The following SKA1 variants were observed in gnomAD, a reference collection of about 807,000 sequenced individuals.
The protein encoded by SKA1 is SKA complex subunit 1.
SKA1 carries 20 observed loss-of-function variants against 31.8 expected under a neutral mutation model. The observed-to-expected ratio is 0.63, with a 90% CI of 0.44 to 0.91. The LOEUF is 0.91. Ranked by LOEUF, SKA1 falls within the 40% of genes least tolerant of loss-of-function variation. The pLI is 0.00. For synonymous variants in SKA1, 88 were observed against 100.5 expected, an observed-to-expected ratio of 0.88 and a Z score of 0.74; for missense variants, 253 against 298.2, an observed-to-expected ratio of 0.85 and a Z score of 1.12.
At chr18:50,391,444 T>C (rs900585812) in intron 6 of SKA1, 151 bp downstream of exon 6, 1 of 847,358 alleles carries the variant, frequency 1.2e-6, no homozygotes, top group African/African-American at 1.8e-5. Flanking sequence ...TTACCATGTC[T>C]GGAGACATTT....
Position 50,392,340 on chromosome 18 carries a change from C to CT in SKA1, c.*99dup. On this transcript the variant is annotated 3_prime_UTR_variant, in exon 7 of 7. Coordinates refer to ENST00000285116, the MANE Select transcript of SKA1 (RefSeq NM_145060.4). ...ATATATAATTTTTTTAACTTTTAAT[C>CT]TTTTTTGTTTCCTTTTTTTTTTTTT... 1 of 802,404 alleles carries CT rather than the reference C, an allele frequency of 1.2e-6. No homozygotes were observed. Among genetic ancestry groups the CT allele is most frequent in the Non-Finnish European group, 1.7e-6 (1 of 595,514 alleles). The allele number at this position is 802,404 out of a possible 1,614,324, so 49.7% of individuals were successfully genotyped here.
At position 50,393,439 on chromosome 18, in the gene SKA1, A is replaced by C. The variant is rs977624555; in HGVS notation, c.*1192A>C. 1.3e-5 allele frequency: 2 copies of C among 152,214 alleles called. No homozygotes were observed. The highest frequency in any genetic ancestry group is 1.5e-5 in the Non-Finnish European group (1 of 68,042). 9.4% of individuals were successfully genotyped at this position (152,214 alleles called of 1,614,324 possible). ...GTCTAAATTCCATCGATGGCATTTC[A>C]GTCTATAGGTAAACTTCCTGGAAGC... is the stretch of plus-strand genomic sequence containing the variant. On this transcript the variant is annotated 3_prime_UTR_variant, in exon 7 of 7. Coordinates refer to ENST00000285116, the MANE Select transcript of SKA1 (RefSeq NM_145060.4).
intron 3 of SKA1, 134 bp from the exon 4 acceptor site, chr18:50,381,995 G>A: frequency 1.7e-6 from 1 of 593,914 alleles, no homozygotes; most frequent in Non-Finnish European, 2.9e-6. Flanking sequence ...AAGGTGCTGG[G>A]ATTACAGGCA....
intron 4 of SKA1, among the ~76,000 whole-genome samples, chr18:50,383,479 C>T (rs2041278654): frequency 6.6e-6 from 1 of 152,150 alleles, no homozygotes; most frequent in Admixed American, 6.6e-5. Flanking sequence ...CATCTAGTTC[C>T]AGCGATTTAA....
chr18:50,381,666 T>C (rs2041263317), intron 3 of SKA1, among the ~76,000 whole-genome samples: 1 of 151,930 alleles, frequency 6.6e-6, no homozygotes, highest in South Asian at 2.1e-4. Flanking sequence ...AATTTTTTAT[T>C]GCTGGATTCA....
intron 4 of SKA1, among the ~76,000 whole-genome samples, chr18:50,384,720 GGGGGAGGGAT>G (rs2041289721): frequency 9.2e-6 from 1 of 108,446 alleles, no homozygotes; most frequent in African/African-American, 4.3e-5. Flanking sequence ...GTCGGGGGAG[GGGGGAGGGAT>G]AGCATTGGGA....
At chr18:50,385,557 T>A (rs1292788373) in intron 5 of SKA1, among the ~76,000 whole-genome samples, 1 of 152,228 alleles carries the variant, frequency 6.6e-6, no homozygotes, top group African/African-American at 2.4e-5. Context: ...TAGAGATGGA[T>A]CAATTCATTG....
At chr18:50,381,884 C>T (rs753990043) in intron 3 of SKA1, among the ~76,000 whole-genome samples, 25 of 152,216 alleles carry the variant, frequency 1.6e-4, no homozygotes, top group Non-Finnish European at 2.9e-4. Context: ...TGCCACCACG[C>T]CCGGCTAAAT....
At chr18:50,384,334 C>T (rs117283913) in intron 4 of SKA1, among the ~76,000 whole-genome samples, 2 of 152,180 alleles carry the variant, frequency 1.3e-5, no homozygotes, top group East Asian at 1.9e-4. Flanking sequence ...TATCTGGTGT[C>T]GTCTTTCCTA....
chr18:50,391,408 G>T, intron 6 of SKA1, 115 bp downstream of exon 6: 2 of 1,051,796 alleles, frequency 1.9e-6, no homozygotes, highest in Non-Finnish European at 2.6e-6. Context: ...TCCCAACCAG[G>T]AGCAGTTATC....
intron 6 of SKA1, 115 bp downstream of exon 6, chr18:50,391,408 G>C (rs2149323984): frequency 9.5e-7 from 1 of 1,051,796 alleles, no homozygotes; most frequent in Middle Eastern, 2.5e-4. Context: ...TCCCAACCAG[G>C]AGCAGTTATC....
intron 2 of SKA1, among the ~76,000 whole-genome samples, chr18:50,379,505 A>T (rs1233879954): frequency 1.3e-5 from 2 of 152,234 alleles, no homozygotes; most frequent in Non-Finnish European, 2.9e-5. Context: ...TGTCTAAAAC[A>T]TAAGCTTATT....
chr18:50,376,122 A>G (rs2041213465), intron 2 of SKA1, among the ~76,000 whole-genome samples: 1 of 152,228 alleles, frequency 6.6e-6, no homozygotes, highest in Admixed American at 6.5e-5. Context: ...TGAACTGAAT[A>G]TTCATTAGAA....
intron 2 of SKA1, among the ~76,000 whole-genome samples, chr18:50,377,828 C>G (rs556818135): frequency 6.6e-6 from 1 of 152,294 alleles, no homozygotes; most frequent in Admixed American, 6.5e-5. Flanking sequence ...TTGATATTCT[C>G]AGTCCTGTAT....
intron 6 of SKA1, 50 bp from the exon 7 acceptor site, chr18:50,392,049 C>A (rs1555718359): frequency 7.0e-7 from 1 of 1,438,338 alleles, no homozygotes; most frequent in Non-Finnish European, 9.3e-7. Context: ...ATTAAAGACT[C>A]TTTTGCAAGT....
chr18:50,387,172 G>C (rs1171138759), intron 5 of SKA1, among the ~76,000 whole-genome samples: 1 of 152,136 alleles, frequency 6.6e-6, no homozygotes, highest in Non-Finnish European at 1.5e-5. Flanking sequence ...TTATCATTTG[G>C]TATTGTCAGT....
At chr18:50,375,988 T>C (rs2041212337) in intron 2 of SKA1, 70 bp downstream of exon 2, 2 of 976,976 alleles carry the variant, frequency 2.0e-6, no homozygotes, top group Non-Finnish European at 3.1e-6. Flanking sequence ...CTGAATGATA[T>C]CTTTGCTTGG....
intron 2 of SKA1, 104 bp from the exon 3 acceptor site, chr18:50,380,022 C>T: frequency 2.1e-6 from 2 of 957,710 alleles, no homozygotes; most frequent in Non-Finnish European, 1.5e-6. Flanking sequence ...CCTTTTTCCA[C>T]CCCTCTCTAA....
rs894390556 is a variant in SKA1 at position 50,380,033 on chromosome 18, G to A, written c.89-93G>A. The A allele has an allele frequency of 2.3e-5, 25 of 1,091,426 alleles. No individual in the cohort carries two copies. In the African/African-American group the frequency reaches 2.7e-4, roughly 12 times the overall value. 67.6% of individuals were successfully genotyped at this position (1,091,426 alleles called of 1,614,324 possible). A position where few individuals can be genotyped will look rare whatever the true frequency, so the allele number is the denominator to read the frequency against. ...TAGACCTTTTTCCACCCCTCTCTAA[G>A]GTACAGCTATCTATTCTAAGAGTTC... On this transcript the variant is annotated intron_variant, in intron 2 of 6. Transcript: ENST00000285116.
Sources: gnomAD v4.1 joint callset for allele counts (sites outside exome capture counted in the v4.1 genomes callset) on GRCh38, gnomAD v4.1.1 for gene constraint, MANE v1.5 for transcripts, NCBI Gene and HGNC (gene_info 2026-07-23, HGNC 2026-07-21) for gene names.